The following LRP4 variants were observed in gnomAD, a reference collection of about 807,000 sequenced individuals.
LRP4 encodes LDL receptor related protein 4.
A neutral mutation model predicts 220.3 loss-of-function variants in LRP4; 95 were observed. The observed-to-expected ratio is 0.43, with a 90% CI of 0.37 to 0.51. The LOEUF (loss-of-function observed/expected upper bound fraction) is 0.51, where lower values mean the gene tolerates loss of function less well. LRP4 is among the 20% of genes least tolerant of loss of function. LRP4 has a pLI of 0.00. For synonymous variants in LRP4, 903 were observed against 954.6 expected (o/e 0.95, Z 1.00); for missense variants, 1,925 against 2,567.0 (o/e 0.75, Z 5.40).
chr11:46,865,602 C>T (rs1217105583), intron 34 of LRP4, among the ~76,000 whole-genome samples: 4 of 152,198 alleles, frequency 2.6e-5, no homozygotes, highest in Non-Finnish European at 4.4e-5. Flanking sequence ...TGTTTTTCTT[C>T]TCTTCATTCT....
chr11:46,906,619 T>C (rs1463260338), intron 1 of LRP4, among the ~76,000 whole-genome samples: 1 of 152,166 alleles, frequency 6.6e-6, no homozygotes, highest in Non-Finnish European at 1.5e-5. Context: ...CAAAAGGCCT[T>C]GATATTAAGA....
At position 46,856,871 on chromosome 11, in the gene LRP4, TAAGAA is replaced by T. The variant is rs1214048015; in HGVS notation, c.*2107_*2111del. On this transcript the variant is annotated 3_prime_UTR_variant, in exon 38 of 38. Coordinates refer to ENST00000378623, the MANE Select transcript of LRP4 (RefSeq NM_002334.4). The surrounding 1 kb of genome is among the most constrained non-coding windows in gnomAD (Gnocchi z 4.1). ...ATGACTCCAAGCCAGGCAAGGTGAT[TAAGAA>T]AAGCTAAATTTATATTAAATTATCA... 1 of 152,630 alleles carries T rather than the reference TAAGAA, an allele frequency of 6.6e-6. No homozygotes were observed. Among genetic ancestry groups the T allele is most frequent in the Non-Finnish European group, 1.5e-5 (1 of 68,040 alleles). The allele number at this position is 152,630 out of a possible 1,614,324, so 9.5% of individuals were successfully genotyped here.
chr11:46,881,671 ACCCTTACCTTCCTCTTACT>A lies in LRP4; in HGVS notation c.2814+12_2814+30del. ...GGCTGTGGGAAGATGTTTTAGTGCC[ACCCTTACCTTCCTCTTACT>A]GCCACCCTTACCTTCCTCTTACTGC... On this transcript the variant is annotated intron_variant, in intron 20 of 37. Coordinates refer to ENST00000378623, the MANE Select transcript of LRP4 (RefSeq NM_002334.4). 6.3e-7 allele frequency: 1 copy of A among 1,598,656 alleles called. No individual in the cohort carries two copies. Among genetic ancestry groups the A allele is most frequent in the Non-Finnish European group, 8.5e-7 (1 of 1,169,846 alleles).
intron 1 of LRP4, among the ~76,000 whole-genome samples, chr11:46,903,744 C>T (rs967585085): frequency 1.3e-5 from 2 of 152,246 alleles, no homozygotes; most frequent in Admixed American, 6.5e-5. Flanking sequence ...AAGGAATCCA[C>T]ACAGGGGAGC....
At chr11:46,900,935 C>T (rs925372996) in intron 2 of LRP4, among the ~76,000 whole-genome samples, 14 of 151,890 alleles carry the variant, frequency 9.2e-5, no homozygotes, top group African/African-American at 1.2e-4. Context: ...TACAGGTGCC[C>T]GCTGCCACAC....
Position 46,872,217 on chromosome 11 carries a change from C to A in LRP4, c.4584-584G>T, listed in dbSNP as rs533595857. Among the ~76,000 whole-genome samples, 3 of 152,344 alleles carry A rather than the reference C, an allele frequency of 2.0e-5. No individual in the cohort carries two copies. The East Asian group carries it at 5.8e-4, about 29-fold the overall frequency. On this transcript the variant is annotated intron_variant, in intron 30 of 37. Coordinates refer to ENST00000378623, the MANE Select transcript of LRP4 (RefSeq NM_002334.4). ...GTTGCAGTGAGCCGAGATCGTGCGA[C>A]TGCACTCCAGCCTGGGCAAAAGAGT...
At chr11:46,909,871 G>C (rs990598780) in intron 1 of LRP4, among the ~76,000 whole-genome samples, 1 of 152,064 alleles carries the variant, frequency 6.6e-6, no homozygotes, top group Non-Finnish European at 1.5e-5. Flanking sequence ...GAATCTTCTC[G>C]TTTGCAAGGC....
intron 31 of LRP4, 80 bp downstream of exon 31, chr11:46,871,445 A>C (rs1173401964): frequency 2.1e-6 from 2 of 964,626 alleles, no homozygotes; most frequent in Admixed American, 2.0e-5. Context: ...AGTAGCAGCT[A>C]TAGCTGAGAC....
chr11:46,867,972 T>C lies in LRP4; in HGVS notation c.5087+7A>G. 1 of 1,614,140 alleles carries C rather than the reference T, an allele frequency of 6.2e-7. No individual in the cohort carries two copies. On this transcript the variant is annotated splice_region_variant and intron_variant, in intron 34 of 37. Transcript: ENST00000378623. ...AGGGCCCATGATCCTGCATTGAACC[T>C]ATTTACCTTCCTTCCACCTCCTCCA...
At position 46,868,637 on chromosome 11, in the gene LRP4, G is replaced by C. The variant is rs1485812094; in HGVS notation, c.4914C>G (p.Ala1638=). The C allele has an allele frequency of 6.2e-7, 1 of 1,614,044 alleles. No homozygotes were observed. The highest frequency in any genetic ancestry group is 8.5e-7 in the Non-Finnish European group (1 of 1,180,010). Reference sequence around the variant, plus strand: ...GCCGGCTATCAGGTTCGTCAGGACAGGCACATACGAAGTCCGAGGCTCTGG... The same window carrying C: ...GCCGGCTATCAGGTTCGTCAGGACACGCACATACGAAGTCCGAGGCTCTGG... ...CFARASDFVC[A]CPDEPDSRPC... Residue 1638 remains alanine, a synonymous_variant, in exon 33 of 38, where the codon GCC becomes GCG. Transcript: ENST00000378623.
rs150777198 is a variant in LRP4 at position 46,893,119 on chromosome 11, A to C, written c.1551T>G (p.Ala517=). Residue 517 remains alanine, a synonymous_variant, in exon 13 of 38, where the codon GCT becomes GCG. Coordinates refer to ENST00000378623, the MANE Select transcript of LRP4 (RefSeq NM_002334.4). The part of the protein sequence containing the change: ...STGLESPGGL[A]VDWVHDKLYW... ...AGAGTTTGTCATGGACCCAATCCACAGCCAGGCCCCCTGGTGAGAAGCAGC... is the reference window on the plus strand; with the variant it reads ...AGAGTTTGTCATGGACCCAATCCACCGCCAGGCCCCCTGGTGAGAAGCAGC... The C allele has an allele frequency of 1.9e-6, 3 of 1,614,186 alleles. No homozygotes were observed. Among genetic ancestry groups the C allele is most frequent in the Non-Finnish European group, 2.5e-6 (3 of 1,180,024 alleles).
rs745628337 is a variant in LRP4 at position 46,859,196 on chromosome 11, G to GC, written c.5504dup (p.Leu1836ProfsTer24). ...TCATGCATACATGATCCCGGAGGAG[G>GC]CCCCCCCGTGAGCTTCGCAGTTGCT... On this transcript the variant is annotated frameshift_variant, in exon 38 of 38. Transcript: ENST00000378623. LOFTEE classifies it high-confidence loss of function. 31 of 1,613,922 alleles carry GC rather than the reference G, an allele frequency of 1.9e-5. No homozygotes were observed. Among genetic ancestry groups the GC allele is most frequent in the Middle Eastern group, 1.6e-4 (1 of 6,062 alleles).
At chr11:46,879,861 T>C (rs1280741179) in intron 20 of LRP4, among the ~76,000 whole-genome samples, 1 of 152,206 alleles carries the variant, frequency 6.6e-6, no homozygotes, top group Non-Finnish European at 1.5e-5. Context: ...AATGTCCACT[T>C]TGGGAGGTCC....
At chr11:46,902,635 C>T in intron 2 of LRP4, 148 bp downstream of exon 2, 1 of 900,300 alleles carries the variant, frequency 1.1e-6, no homozygotes, top group Non-Finnish European at 1.7e-6. Context: ...AAGAAACTAC[C>T]CAAATGTCAA....
chr11:46,896,453 G>T, intron 8 of LRP4, 118 bp from the exon 9 acceptor site: 2 of 1,312,288 alleles, frequency 1.5e-6, no homozygotes, highest in Non-Finnish European at 2.2e-6. Flanking sequence ...GGAGGGTGAG[G>T]GTCCTGGGCA....
chr11:46,882,790 A>G (rs1941194191), intron 19 of LRP4, among the ~76,000 whole-genome samples: 2 of 152,150 alleles, frequency 1.3e-5, no homozygotes, highest in African/African-American at 4.8e-5. Flanking sequence ...CAGGAGGTTG[A>G]GGCTGCAGTG....
chr11:46,914,685 C>G (rs1941920560), intron 1 of LRP4, among the ~76,000 whole-genome samples: 1 of 152,152 alleles, frequency 6.6e-6, no homozygotes, highest in South Asian at 2.1e-4. Context: ...GGCTAAGCTG[C>G]ATCAAGGAAT....
rs145422541 is a variant in LRP4 at position 46,875,629 on chromosome 11, G to A, written c.3752C>T (p.Pro1251Leu). The A allele has an allele frequency of 1.4e-4, 231 of 1,614,018 alleles. No individual in the cohort carries two copies. Among genetic ancestry groups the A allele is most frequent in the African/African-American group, 2.4e-4 (18 of 74,896 alleles). ...GGTGAGGCCATATGGGTGCTGCACC[G>A]GTGACACCAATGTATGCCGATTGGC... The part of the protein sequence containing the change: ...NGANRHTLVS[P>L]VQHPYGLTLL... The change falls in exon 27 of 38, where the codon CCG becomes CTG. Residue 1251 changes from proline (P) to leucine (L), a missense_variant. By Grantham distance (98) the Pro-to-Leu change is moderately conservative. Around this residue, in one of 3 missense-constraint regions of LRP4, gnomAD observed 1,244 missense variants for 1,624.9 expected, o/e 0.77. Transcript: ENST00000378623. The surrounding 1 kb of genome is among the most constrained non-coding windows in gnomAD (Gnocchi z 4.5).
intron 34 of LRP4, among the ~76,000 whole-genome samples, chr11:46,865,862 G>T (rs1940681789): frequency 6.6e-6 from 1 of 152,192 alleles, no homozygotes; most frequent in Non-Finnish European, 1.5e-5. Flanking sequence ...AAATCCGAGA[G>T]TAATAATGAC....
Sources: gnomAD v4.1 joint callset for allele counts (sites outside exome capture counted in the v4.1 genomes callset) on GRCh38, gnomAD v4.1.1 for gene constraint, gnomAD v4.1.1 regional missense constraint, Gnocchi (gnomAD v3.1) non-coding constraint, MANE v1.5 for transcripts, NCBI Gene and HGNC (gene_info 2026-07-23, HGNC 2026-07-21) for gene names.